The following CDH4 variants were observed in gnomAD, a reference collection of about 807,000 sequenced individuals.
CDH4 encodes cadherin 4.
Under a neutral mutation model 86.0 loss-of-function variants are expected in CDH4, and 33 were observed. The observed-to-expected ratio is 0.38, with a 90% CI of 0.29 to 0.51. CDH4 has a LOEUF of 0.51. Among genes scored for constraint, CDH4 ranks in the 20% least tolerant of loss-of-function variants. The probability of loss-of-function intolerance (pLI) is 0.86; values close to 1 mark genes in which losing one functional copy is unlikely to be tolerated. For synonymous variants in CDH4, 555 were observed against 549.4 expected (o/e 1.01, Z -0.14); for missense variants, 1,114 against 1,307.4 (o/e 0.85, Z 2.28).
chr20:61,437,830 C>T (rs1025436786), intron 2 of CDH4, among the ~76,000 whole-genome samples: 2 of 152,178 alleles, frequency 1.3e-5, no homozygotes, highest in African/African-American at 4.8e-5. Flanking sequence ...TCCATGGGGC[C>T]TCCAGATGTG....
intron 2 of CDH4, among the ~76,000 whole-genome samples, chr20:61,588,713 G>A (rs116165704): frequency 0.02 from 2,979 of 151,808 alleles, 100 homozygotes; most frequent in African/African-American, 0.068. Context: ...ATCATTCCTC[G>A]CAAACACCAC....
chr20:61,741,516 G>A (rs1031943729), intron 2 of CDH4, among the ~76,000 whole-genome samples: 4 of 149,162 alleles, frequency 2.7e-5, no homozygotes, highest in African/African-American at 7.5e-5. Flanking sequence ...TTTTGAGACC[G>A]AGTCTCGCTC....
intron 2 of CDH4, among the ~76,000 whole-genome samples, chr20:61,419,170 G>A (rs2085163477): frequency 6.6e-6 from 1 of 152,166 alleles, no homozygotes; most frequent in Non-Finnish European, 1.5e-5. Flanking sequence ...TTATGGGGGT[G>A]GGGCTCACTG....
Position 61,480,452 on chromosome 20 carries a change from G to C in CDH4, c.169+225515G>C, listed in dbSNP as rs560290747. On this transcript the variant is annotated intron_variant, in intron 2 of 15. Transcript: ENST00000614565. The surrounding 1 kb of genome is among the most constrained non-coding windows in gnomAD (Gnocchi z 5.2). ...TCTGGGAAGCCTCCTTTCCCTCTTC[G>C]TCCAGGTTTTATCAAAGTGCCCGAT... is the stretch of plus-strand genomic sequence containing the variant. Among the ~76,000 whole-genome samples the C allele has an allele frequency of 2.0e-5, 3 of 152,198 alleles. No individual in the cohort carries two copies. Among genetic ancestry groups the C allele is most frequent in the Admixed American group, 6.5e-5 (1 of 15,288 alleles).
rs888455487 is a variant in CDH4, at chr20:61,940,517, A to C, written c.*3574A>C. On this transcript the variant is annotated 3_prime_UTR_variant, in exon 16 of 16. Transcript: ENST00000614565. ...GTTTTCAGTGTGTTTCCAGTGCCAG[A>C]CAGTCTTGGTCCTGAACTCAGTAGA... 4 of 151,976 alleles carry C rather than the reference A, an allele frequency of 2.6e-5. No homozygotes were observed. The highest frequency in any genetic ancestry group is 5.9e-5 in the Non-Finnish European group (4 of 68,018). 9.4% of individuals were successfully genotyped at this position (151,976 alleles called of 1,614,324 possible).
chr20:61,283,443 T>C (rs867031432), intron 2 of CDH4, among the ~76,000 whole-genome samples: 1 of 37,570 alleles, frequency 2.7e-5, no homozygotes, highest in Non-Finnish European at 7.8e-5. Flanking sequence ...TGCTGTGGTG[T>C]GTGTGATGTG....
chr20:61,841,698 C>CCG (rs529006692), intron 4 of CDH4, among the ~76,000 whole-genome samples: 10 of 148,772 alleles, frequency 6.7e-5, no homozygotes, highest in Non-Finnish European at 1.5e-4. Flanking sequence ...AGGTGCATTG[C>CCG]GGGGGGGAAC....
At chr20:61,520,652 G>A (rs2085861951) in intron 2 of CDH4, among the ~76,000 whole-genome samples, 2 of 152,196 alleles carry the variant, frequency 1.3e-5, no homozygotes, top group African/African-American at 2.4e-5. Flanking sequence ...CATCCTCTGA[G>A]CAGCTCAGTG....
intron 4 of CDH4, among the ~76,000 whole-genome samples, chr20:61,812,507 C>T (rs2146049021): frequency 6.6e-6 from 1 of 152,304 alleles, no homozygotes; most frequent in Middle Eastern, 3.4e-3. Context: ...CCACCTCTCT[C>T]TTTGACGTAT....
intron 2 of CDH4, among the ~76,000 whole-genome samples, chr20:61,499,031 C>T (rs1172684080): frequency 2.6e-5 from 4 of 152,140 alleles, no homozygotes; most frequent in East Asian, 1.9e-4. Flanking sequence ...TGTGACTTGC[C>T]GGGAGCATGG....
chr20:61,568,381 G>T (rs1052454956), intron 2 of CDH4, among the ~76,000 whole-genome samples: 1 of 152,142 alleles, frequency 6.6e-6, no homozygotes, highest in Non-Finnish European at 1.5e-5. Context: ...CCTTGCTGCC[G>T]CCATGTGAAG....
intron 4 of CDH4, among the ~76,000 whole-genome samples, chr20:61,779,523 C>T (rs1362517912): frequency 6.6e-6 from 1 of 152,252 alleles, no homozygotes; most frequent in African/African-American, 2.4e-5. Flanking sequence ...TGGCTCAAGT[C>T]AGCCCCCTAC....
intron 4 of CDH4, among the ~76,000 whole-genome samples, chr20:61,816,842 C>T (rs983255589): frequency 3.9e-5 from 6 of 152,170 alleles, no homozygotes; most frequent in Non-Finnish European, 8.8e-5. Flanking sequence ...TGAGCTCGCC[C>T]GCATCCCCAT....
chr20:61,753,058 GAGA>G (rs2088519154), intron 3 of CDH4, among the ~76,000 whole-genome samples: 1 of 152,148 alleles, frequency 6.6e-6, no homozygotes, highest in South Asian at 2.1e-4. Flanking sequence ...ACTGTGTTTA[GAGA>G]AGGTGGGAGT....
At chr20:61,577,823 T>C (rs2086394948) in intron 2 of CDH4, among the ~76,000 whole-genome samples, 1 of 152,196 alleles carries the variant, frequency 6.6e-6, no homozygotes, top group Admixed American at 6.5e-5. Flanking sequence ...GACTATGTCT[T>C]GACATAATGA....
intron 2 of CDH4, among the ~76,000 whole-genome samples, chr20:61,555,733 G>A (rs1000364666): frequency 3.9e-5 from 6 of 152,216 alleles, no homozygotes; most frequent in African/African-American, 9.6e-5. Context: ...GAGTAGCAGA[G>A]CACATTCCTT....
chr20:61,850,826 G>C (rs773928573), intron 5 of CDH4, among the ~76,000 whole-genome samples: 21 of 152,232 alleles, frequency 1.4e-4, no homozygotes, highest in Non-Finnish European at 2.5e-4. Flanking sequence ...GATTTCTACA[G>C]GAGCTGTCAA....
At chr20:61,358,063 C>T (rs370130558) in intron 2 of CDH4, among the ~76,000 whole-genome samples, 86 of 152,294 alleles carry the variant, frequency 5.6e-4, no homozygotes, top group African/African-American at 1.9e-3. Flanking sequence ...CCTTCCCTGT[C>T]GCTCTGGGAA....
rs6089289 is a variant in CDH4 at position 61,863,866 on chromosome 20, G to A, written c.878-9862G>A. 9.6e-3 allele frequency among the ~76,000 whole-genome samples: 1,460 copies of A among 152,302 alleles called. 14 individuals are homozygous for A. Among genetic ancestry groups the A allele is most frequent in the Middle Eastern group, 0.027 (8 of 294 alleles). ...AGGGCCACAGAGGCTCCTGCGGATGGAAAGAGGCCCCCGTCTCCTCCCAGC... is the reference window on the plus strand; with the variant it reads ...AGGGCCACAGAGGCTCCTGCGGATGAAAAGAGGCCCCCGTCTCCTCCCAGC... On this transcript the variant is annotated intron_variant, in intron 6 of 15. Transcript: ENST00000614565.
Sources: gnomAD v4.1 joint callset for allele counts (sites outside exome capture counted in the v4.1 genomes callset) on GRCh38, gnomAD v4.1.1 for gene constraint, Gnocchi (gnomAD v3.1) non-coding constraint, MANE v1.5 for transcripts, NCBI Gene and HGNC (gene_info 2026-07-23, HGNC 2026-07-21) for gene names.